The following ADCY2 variants were observed in gnomAD, a reference collection of about 807,000 sequenced individuals.
The protein encoded by ADCY2 is adenylate cyclase type 2.
ADCY2 carries 31 observed loss-of-function variants against 125.2 expected under a neutral mutation model. The observed-to-expected ratio is 0.25, with a 90% confidence interval of 0.19 to 0.33. The LOEUF (loss-of-function observed/expected upper bound fraction) is 0.33, where lower values mean the gene tolerates loss of function less well. Ranked by LOEUF, ADCY2 falls within the 10% of genes least tolerant of loss-of-function variation. The pLI, the probability that ADCY2 is intolerant of heterozygous loss-of-function variation, is 1.00. For synonymous variants in ADCY2, 512 were observed against 548.4 expected (o/e 0.93, Z 0.93); for missense variants, 904 against 1,418.2 (o/e 0.64, Z 5.82).
At chr5:7,769,163 G>A (rs1326396180) in intron 17 of ADCY2, among the ~76,000 whole-genome samples, 1 of 152,092 alleles carries the variant, frequency 6.6e-6, no homozygotes, top group Non-Finnish European at 1.5e-5. Context: ...TTTTTACCCT[G>A]TAACACTAAT....
At chr5:7,403,883 G>T (rs1739362986) in intron 1 of ADCY2, among the ~76,000 whole-genome samples, 1 of 151,412 alleles carries the variant, frequency 6.6e-6, no homozygotes, top group East Asian at 1.9e-4. Context: ...GTTATGGGCT[G>T]TTCTGCCCCA....
At chr5:7,593,531 C>T (rs775022282) in intron 3 of ADCY2, among the ~76,000 whole-genome samples, 17 of 151,432 alleles carry the variant, frequency 1.1e-4, no homozygotes, top group Non-Finnish European at 2.4e-4. Context: ...AGGGATGGAG[C>T]GTAGGAGAAA....
At chr5:7,608,986 C>T (rs1432685916) in intron 3 of ADCY2, among the ~76,000 whole-genome samples, 4 of 152,218 alleles carry the variant, frequency 2.6e-5, no homozygotes, top group Non-Finnish European at 5.9e-5. Flanking sequence ...TCACCACCCA[C>T]TTCCCCTTTT....
At chr5:7,409,494 G>A (rs1394259882) in intron 1 of ADCY2, among the ~76,000 whole-genome samples, 1 of 152,114 alleles carries the variant, frequency 6.6e-6, no homozygotes, top group African/African-American at 2.4e-5. Flanking sequence ...TTACATTTTT[G>A]TGATGAACTT....
In ADCY2 at chr5:7,396,358, G is replaced by C; in HGVS notation, c.62G>C (p.Gly21Ala). Residue 21 changes from glycine (G) to alanine (A), a missense_variant, in exon 1 of 25, where the codon GGC becomes GCC. Gly to Ala is a moderately conservative substitution (Grantham distance 60). Around this residue, in one of 7 missense-constraint regions of ADCY2, gnomAD observed 113 missense variants for 108.0 expected, o/e 1.05. Transcript: ENST00000338316. The surrounding 1 kb of genome is among the most constrained non-coding windows in gnomAD (Gnocchi z 5.7). ...CGGGACCGCTCCGAGGAGGCGGCGG[G>C]CGGCGGAGACGGGCTGCCGCGGTCC... ...YLRDRSEEAA[G>A]GGDGLPRSRD... The C allele has an allele frequency of 6.5e-7, 1 of 1,548,472 alleles. No homozygotes were observed. The highest frequency in any genetic ancestry group is 8.7e-7 in the Non-Finnish European group (1 of 1,148,888).
intron 15 of ADCY2, among the ~76,000 whole-genome samples, chr5:7,744,443 T>C (rs1366168571): frequency 3.9e-5 from 6 of 152,152 alleles, no homozygotes; most frequent in African/African-American, 1.4e-4. Flanking sequence ...AGCTATAAAA[T>C]GTTGGAGTAG....
intron 11 of ADCY2, 21 bp from the exon 12 acceptor site, chr5:7,717,136 A>G: frequency 5.9e-6 from 9 of 1,514,348 alleles, no homozygotes; most frequent in Non-Finnish European, 8.2e-6. Flanking sequence ...CCTTACCCAT[A>G]ATATTCCATT....
At chr5:7,532,641 A>C (rs1308209463) in intron 3 of ADCY2, among the ~76,000 whole-genome samples, 1 of 151,022 alleles carries the variant, frequency 6.6e-6, no homozygotes, top group Admixed American at 6.6e-5. Flanking sequence ...TTATTTAGGG[A>C]CTCCTTTGTT....
intron 3 of ADCY2, among the ~76,000 whole-genome samples, chr5:7,576,979 C>A (rs1736272267): frequency 6.6e-6 from 1 of 152,216 alleles, no homozygotes; most frequent in Non-Finnish European, 1.5e-5. Context: ...TACATCATAG[C>A]ATTGCTTAAT....
At chr5:7,644,483 T>A (rs573618777) in intron 4 of ADCY2, among the ~76,000 whole-genome samples, 2 of 152,290 alleles carry the variant, frequency 1.3e-5, no homozygotes, top group South Asian at 4.1e-4. Flanking sequence ...TCCATATTTA[T>A]GTTGGCCAGC....
chr5:7,579,644 A>G (rs1015764656), intron 3 of ADCY2, among the ~76,000 whole-genome samples: 2 of 152,216 alleles, frequency 1.3e-5, no homozygotes, highest in Non-Finnish European at 2.9e-5. Flanking sequence ...AATATTCTCC[A>G]GAGGAATGTG....
chr5:7,642,480 T>G (rs753362115), intron 4 of ADCY2, among the ~76,000 whole-genome samples: 1 of 152,166 alleles, frequency 6.6e-6, no homozygotes, highest in Non-Finnish European at 1.5e-5. Flanking sequence ...GGCTGTGTGT[T>G]TACAATGTTA....
At chr5:7,523,815 A>G (rs1331487953) in intron 3 of ADCY2, among the ~76,000 whole-genome samples, 1 of 152,222 alleles carries the variant, frequency 6.6e-6, no homozygotes, top group Non-Finnish European at 1.5e-5. Flanking sequence ...TAAAATAAGG[A>G]TACTGGCCTG....
Position 7,695,747 on chromosome 5 carries a change from C to G in ADCY2, c.870-5C>G. On this transcript the variant is annotated splice_region_variant and splice_polypyrimidine_tract_variant and intron_variant, in intron 5 of 24. Coordinates refer to ENST00000338316, the MANE Select transcript of ADCY2 (RefSeq NM_020546.3). The stretch of plus-strand genomic sequence containing the variant: ...TCTGTCTCCTCACCTCCTTTCTTCC[C>G]ACAGCATCTTATACGCTGACATCGT... 6.3e-7 allele frequency: 1 copy of G among 1,593,746 alleles called. No homozygotes were observed. Among genetic ancestry groups the G allele is most frequent in the Non-Finnish European group, 8.6e-7 (1 of 1,168,616 alleles).
intron 4 of ADCY2, among the ~76,000 whole-genome samples, chr5:7,684,261 G>A (rs999712035): frequency 6.6e-6 from 1 of 152,160 alleles, no homozygotes; most frequent in Non-Finnish European, 1.5e-5. Context: ...GGCTTTGCAG[G>A]TGCACCAGCC....
chr5:7,400,861 CTG>C (rs1739238201), intron 1 of ADCY2, among the ~76,000 whole-genome samples: 2 of 152,150 alleles, frequency 1.3e-5, no homozygotes, highest in Admixed American at 1.3e-4. Context: ...CAAGGGAAAA[CTG>C]TAATTTTCTG....
In ADCY2 at chr5:7,517,829, C is replaced by T. The variant is rs144762385; in HGVS notation, c.409-2909C>T. Among the ~76,000 whole-genome samples, 1,433 of 151,972 alleles carry T rather than the reference C, an allele frequency of 9.4e-3. 13 individuals carry two copies. Among genetic ancestry groups the T allele is most frequent in the Non-Finnish European group, 0.015 (1,051 of 67,962 alleles). The stretch of plus-strand genomic sequence containing the variant: ...ACGGTATTAGAATTTTAAAGTTATC[C>T]AAAATTAAGCTACTCAAAAGTTATG... On this transcript the variant is annotated intron_variant, in intron 2 of 24. Coordinates refer to ENST00000338316, the MANE Select transcript of ADCY2 (RefSeq NM_020546.3).
At chr5:7,738,120 A>G (rs924119276) in intron 14 of ADCY2, among the ~76,000 whole-genome samples, 2 of 152,194 alleles carry the variant, frequency 1.3e-5, no homozygotes, top group African/African-American at 2.4e-5. Flanking sequence ...TTACTTTATG[A>G]GAGAGTATAA....
At chr5:7,790,490 G>A (rs1038637871) in intron 20 of ADCY2, among the ~76,000 whole-genome samples, 1 of 152,202 alleles carries the variant, frequency 6.6e-6, no homozygotes, top group Non-Finnish European at 1.5e-5. Flanking sequence ...CTTTAATATT[G>A]CTGAAGTGCA....
Sources: allele counts gnomAD v4.1 joint callset (sites outside exome capture counted in the v4.1 genomes callset), GRCh38; gene constraint gnomAD v4.1.1; regional missense constraint gnomAD v4.1.1; non-coding constraint Gnocchi (gnomAD v3.1); transcripts MANE v1.5; gene names NCBI Gene and HGNC (gene_info 2026-07-23, HGNC 2026-07-21).